Variants in C12orf54 observed in about 807,000 individuals in gnomAD.
The protein encoded by C12orf54 is uncharacterized protein C12orf54.
C12orf54 carries 24 observed loss-of-function variants against 26.4 expected under a neutral mutation model. That is an observed-to-expected ratio of 0.91 (90% CI 0.66 to 1.28). C12orf54 has a LOEUF of 1.28. Ranked by LOEUF, C12orf54 falls within the 50% of genes most tolerant of loss-of-function variation. The probability of loss-of-function intolerance (pLI) is 0.00; values close to 1 mark genes in which losing one functional copy is unlikely to be tolerated. For missense variants in C12orf54, 154 were observed against 150.9 expected (o/e 1.02, Z -0.11); for synonymous variants, 54 against 47.0 (o/e 1.15, Z -0.61).
At chr12:48,431,035 A>T in the C12orf54 span, among the ~76,000 whole-genome samples, 128 of 152,354 alleles carry the variant, frequency 8.4e-4, no homozygotes, top group Non-Finnish European at 1.4e-3. Flanking sequence ...TTCTAAGTGA[A>T]ATATCTCAGC....
the C12orf54 span, among the ~76,000 whole-genome samples, chr12:48,462,192 C>G: frequency 1.3e-3 from 156 of 116,372 alleles, 3 homozygotes; most frequent in East Asian, 0.029. Flanking sequence ...AAAGCTCACT[C>G]AAGAAGAAAT....
chr12:48,424,991 C>T, the C12orf54 span, among the ~76,000 whole-genome samples: 1 of 152,040 alleles, frequency 6.6e-6, no homozygotes, highest in African/African-American at 2.4e-5. Flanking sequence ...TACATATATA[C>T]ATTTTTCAAA....
chr12:48,470,867 C>T, the C12orf54 span, among the ~76,000 whole-genome samples: 71 of 151,774 alleles, frequency 4.7e-4, no homozygotes, highest in African/African-American at 1.3e-3. Context: ...ATACTTATGG[C>T]GTACATGGGA....
chr12:48,416,190 C>CTATAATTAG, the C12orf54 span, among the ~76,000 whole-genome samples: 1 of 152,196 alleles, frequency 6.6e-6, no homozygotes, highest in African/African-American at 2.4e-5. Flanking sequence ...TCTTGTCCTT[C>CTATAATTAG]TATAATTAGT....
rs1565573740 is a variant in C12orf54, at chr12:48,494,085, G to GGA, written c.243-712_243-711insAG. ...AATACAAAAATTAGCTGGGCGTGGT[G>GGA]GCAGGTGCCTGTAACCCCAGCTACT... On this transcript the variant is annotated intron_variant, in intron 7 of 8. Coordinates refer to ENST00000548364, the MANE Select transcript of C12orf54 (RefSeq NM_152319.4). 1.7e-5 allele frequency among the ~76,000 whole-genome samples: 2 copies of GGA among 115,128 alleles called. 1 individual carries two copies. The highest frequency in any genetic ancestry group is 6.7e-5 in the African/African-American group (2 of 29,830). The allele number at this position is 115,128 out of a possible 152,430, so 75.5% of individuals were successfully genotyped here. A position where few individuals can be genotyped will look rare whatever the true frequency, so the allele number is the denominator to read the frequency against.
At chr12:48,449,349 G>A in the C12orf54 span, among the ~76,000 whole-genome samples, 1 of 152,120 alleles carries the variant, frequency 6.6e-6, no homozygotes, top group African/African-American at 2.4e-5. Flanking sequence ...TCAAAATAAT[G>A]CAAAGAAACA....
intron 5 of C12orf54, chr12:48,489,383 C>G (rs1297032744): frequency 3.4e-6 from 1 of 294,880 alleles, no homozygotes; most frequent in African/African-American, 2.2e-5. Flanking sequence ...TCTTCCTCTG[C>G]TCTCCTCGGC....
the C12orf54 span, among the ~76,000 whole-genome samples, chr12:48,439,984 G>T: frequency 6.6e-6 from 1 of 152,086 alleles, no homozygotes; most frequent in African/African-American, 2.4e-5. Context: ...CAGCACCTTG[G>T]GAGGCTGATG....
Position 48,492,812 on chromosome 12 carries a change from T to G in C12orf54, c.194-135T>G, listed in dbSNP as rs185422676. 1.1e-5 allele frequency: 8 copies of G among 718,622 alleles called. No individual in the cohort carries two copies. The East Asian group carries it at 2.1e-4, about 19-fold the overall frequency. The allele number at this position is 718,622 out of a possible 1,614,324, so 44.5% of individuals were successfully genotyped here. On this transcript the variant is annotated intron_variant, in intron 6 of 8. Coordinates refer to ENST00000548364, the MANE Select transcript of C12orf54 (RefSeq NM_152319.4). ...TGCAACTGCCTCTCTGATGGGCCTG[T>G]TAGGTGGTCAGTGTCCCTTCAAGTC...
the C12orf54 span, among the ~76,000 whole-genome samples, chr12:48,425,565 T>A: frequency 1.3e-5 from 2 of 152,130 alleles, no homozygotes; most frequent in Non-Finnish European, 2.9e-5. Context: ...TATGGTAGAA[T>A]AATTTCTATT....
chr12:48,447,400 G>A, the C12orf54 span, among the ~76,000 whole-genome samples: 1 of 152,246 alleles, frequency 6.6e-6, no homozygotes, highest in African/African-American at 2.4e-5. Flanking sequence ...TGCTATAGCA[G>A]TCCAATTGAC....
the C12orf54 span, among the ~76,000 whole-genome samples, chr12:48,445,130 G>A: frequency 1.3e-5 from 2 of 152,118 alleles, no homozygotes; most frequent in African/African-American, 2.4e-5. Context: ...CCAAGATCGT[G>A]CCACTGCACT....
intron 4 of C12orf54, chr12:48,488,058 A>C: frequency 1.0e-6 from 1 of 967,364 alleles, no homozygotes; most frequent in Non-Finnish European, 1.7e-6. Context: ...GGCAGACAAG[A>C]ATGTGCCCAT....
chr12:48,456,849 G>A, the C12orf54 span, among the ~76,000 whole-genome samples: 1 of 152,078 alleles, frequency 6.6e-6, no homozygotes, highest in Non-Finnish European at 1.5e-5. Flanking sequence ...CACATCAATT[G>A]TAAGAAGCAG....
chr12:48,464,452 T>C, the C12orf54 span, among the ~76,000 whole-genome samples: 1 of 152,170 alleles, frequency 6.6e-6, no homozygotes, highest in African/African-American at 2.4e-5. Context: ...AAACATTCCA[T>C]GGTCATGGAT....
rs570897318 is a variant in C12orf54 at position 48,488,029 on chromosome 12, T to G, written c.136-895T>G. 4.2e-6 allele frequency: 4 copies of G among 961,102 alleles called. No individual in the cohort carries two copies. In the African/African-American group the frequency reaches 6.1e-5, roughly 15 times the overall value. 59.5% of individuals were successfully genotyped at this position (961,102 alleles called of 1,614,324 possible). On this transcript the variant is annotated intron_variant, in intron 4 of 8. Coordinates refer to ENST00000548364, the MANE Select transcript of C12orf54 (RefSeq NM_152319.4). ...ATGGTGGCCAAGAAGGATGTCGACATGCCTAAGCACCCGGAGCTGGCAGAC... is the reference window on the plus strand; with the variant it reads ...ATGGTGGCCAAGAAGGATGTCGACAGGCCTAAGCACCCGGAGCTGGCAGAC...
the C12orf54 span, among the ~76,000 whole-genome samples, chr12:48,462,798 T>C: frequency 6.6e-6 from 1 of 151,806 alleles, no homozygotes; most frequent in African/African-American, 2.4e-5. Context: ...TAATACTTCA[T>C]AGTAAAAGAC....
At chr12:48,488,698 G>A (rs1221470491) in intron 4 of C12orf54, among the ~76,000 whole-genome samples, 2 of 152,092 alleles carry the variant, frequency 1.3e-5, no homozygotes, top group African/African-American at 2.4e-5. Context: ...ATACTTTACT[G>A]TATTTTGCTC....
chr12:48,494,693 G>A (rs1316700418), intron 7 of C12orf54, 105 bp from the exon 8 acceptor site: 3 of 1,226,222 alleles, frequency 2.4e-6, no homozygotes, highest in East Asian at 2.4e-5. Context: ...CCATTCTTGG[G>A]GGAGTGTAAT....
Sources: allele counts gnomAD v4.1 joint callset (sites outside exome capture counted in the v4.1 genomes callset), GRCh38; gene constraint gnomAD v4.1.1; transcripts MANE v1.5; gene names NCBI Gene and HGNC (gene_info 2026-07-23, HGNC 2026-07-21).